N4BP2L2: variants seen among roughly 807,000 people sequenced by gnomAD.
N4BP2L2 encodes NEDD4-binding protein 2-like 2.
N4BP2L2 carries 50 observed loss-of-function variants against 56.2 expected under a neutral mutation model. The observed-to-expected ratio is 0.89, with a 90% CI of 0.71 to 1.13. N4BP2L2 has a LOEUF of 1.13. Among genes scored for constraint, N4BP2L2 ranks in the 50% most tolerant of loss-of-function variants. The pLI, the probability that N4BP2L2 is intolerant of heterozygous loss-of-function variation, is 0.00. For missense variants in N4BP2L2, 689 were observed against 693.8 expected (o/e 0.99, Z 0.08); for synonymous variants, 203 against 223.6 (o/e 0.91, Z 0.82).
intron 6 of N4BP2L2, among the ~76,000 whole-genome samples, chr13:32,495,888 T>A (rs995335124): frequency 2.0e-4 from 30 of 152,152 alleles, no homozygotes; most frequent in African/African-American, 7.2e-4. Context: ...TTCCTCATAT[T>A]GGTAGGGCTG....
intron 6 of N4BP2L2, among the ~76,000 whole-genome samples, chr13:32,502,000 T>C (rs1360807276): frequency 6.6e-6 from 1 of 152,008 alleles, no homozygotes; most frequent in African/African-American, 2.4e-5. Context: ...ATGAGGAATA[T>C]ATCTTTGATA....
intron 7 of N4BP2L2, among the ~76,000 whole-genome samples, chr13:32,440,073 C>T (rs182885665): frequency 1.3e-5 from 2 of 151,424 alleles, no homozygotes; most frequent in East Asian, 3.9e-4. Context: ...AGCAAATAGT[C>T]AAGATGTAAT....
chr13:32,499,508 G>A (rs2089547983), intron 6 of N4BP2L2, among the ~76,000 whole-genome samples: 1 of 152,146 alleles, frequency 6.6e-6, no homozygotes, highest in African/African-American at 2.4e-5. Context: ...AGCCTCATTT[G>A]TTTTCTATAC....
chr13:32,517,083 G>T (rs1477767760), exon 6 of N4BP2L2: 45 of 978,082 alleles, frequency 4.6e-5, no homozygotes, highest in Non-Finnish European at 5.3e-5. Flanking sequence ...AAATTGAACA[G>T]AGAGAAGTAA....
intron 5 of N4BP2L2, among the ~76,000 whole-genome samples, chr13:32,518,815 T>C (rs2049941547): frequency 6.6e-6 from 1 of 152,006 alleles, no homozygotes; most frequent in Non-Finnish European, 1.5e-5. Flanking sequence ...TGTAAGAACT[T>C]TGTTAAGTTA....
intron 1 of N4BP2L2, 83 bp from the exon 2 acceptor site, chr13:32,537,110 C>CA: frequency 1.0e-6 from 1 of 970,544 alleles, no homozygotes; most frequent in East Asian, 2.9e-5. Context: ...AGAAATTAGA[C>CA]AAAGACATTT....
exon 7 of N4BP2L2, chr13:32,443,380 C>A: frequency 6.2e-7 from 1 of 1,613,978 alleles, no homozygotes; most frequent in East Asian, 2.2e-5. Flanking sequence ...AGGCCAGCTA[C>A]CAAAATAGGG....
chr13:32,482,154 C>A (rs948167818), intron 6 of N4BP2L2, among the ~76,000 whole-genome samples: 8 of 152,062 alleles, frequency 5.3e-5, no homozygotes, highest in African/African-American at 1.9e-4. Context: ...TTAAGCAATA[C>A]CCTGCAGGAT....
At chr13:32,520,790 A>T (rs1182402841) in intron 5 of N4BP2L2, among the ~76,000 whole-genome samples, 1 of 152,192 alleles carries the variant, frequency 6.6e-6, no homozygotes, top group Non-Finnish European at 1.5e-5. Flanking sequence ...CTCTCACCAC[A>T]ATTACTGAAA....
At chr13:32,487,207 T>C (rs1305127150) in intron 6 of N4BP2L2, among the ~76,000 whole-genome samples, 1 of 151,910 alleles carries the variant, frequency 6.6e-6, no homozygotes, top group Non-Finnish European at 1.5e-5. Flanking sequence ...AGTTTGGTGA[T>C]ATATGCCTGT....
chr13:32,457,969 T>G (rs2079259199), intron 6 of N4BP2L2, among the ~76,000 whole-genome samples: 1 of 152,228 alleles, frequency 6.6e-6, no homozygotes, highest in African/African-American at 2.4e-5. Flanking sequence ...ATATCAATAA[T>G]TACCTCAAAT....
At chr13:32,434,242 A>G (rs994890321) in intron 9 of N4BP2L2, among the ~76,000 whole-genome samples, 2 of 136,232 alleles carry the variant, frequency 1.5e-5, no homozygotes, top group African/African-American at 5.7e-5. Flanking sequence ...ACATTCAGCT[A>G]ATTTTCTTTT....
chr13:32,537,168 C>T (rs1440351159), intron 1 of N4BP2L2, 141 bp from the exon 2 acceptor site: 8 of 559,106 alleles, frequency 1.4e-5, no homozygotes, highest in Non-Finnish European at 2.3e-5. Flanking sequence ...ATACCAGTCA[C>T]TTTCATAACC....
rs1301753080 is a variant in N4BP2L2, at chr13:32,530,252, C to T, written c.1260-2720G>A. Among the ~76,000 whole-genome samples, 3 of 152,058 alleles carry T rather than the reference C, an allele frequency of 2.0e-5. No individual in the cohort carries two copies. In the East Asian group the frequency reaches 5.8e-4, roughly 29 times the overall value. On this transcript the variant is annotated intron_variant, in intron 2 of 5. Transcript: ENST00000267068. ...TAAGTTTAACTTGAAAAGACTTTTC[C>T]TCCCAGGCAGCATAGACTGTTTATG...
chr13:32,463,333 C>T (rs1310352584), intron 6 of N4BP2L2, among the ~76,000 whole-genome samples: 1 of 152,000 alleles, frequency 6.6e-6, no homozygotes, highest in Non-Finnish European at 1.5e-5. Flanking sequence ...CCATCAAGTA[C>T]ACCAACCTAA....
chr13:32,455,457 G>C (rs1415366505), intron 6 of N4BP2L2, among the ~76,000 whole-genome samples: 1 of 152,210 alleles, frequency 6.6e-6, no homozygotes, highest in African/African-American at 2.4e-5. Flanking sequence ...CATTGCAGCT[G>C]CCACTGCTGC....
exon 6 of N4BP2L2, chr13:32,513,303 T>C (rs2048530418): frequency 6.6e-6 from 1 of 152,162 alleles, no homozygotes; most frequent in African/African-American, 2.4e-5. Flanking sequence ...TCAATCTAAA[T>C]ACTGCTTTGC....
chr13:32,436,597 G>A (rs975882766), intron 8 of N4BP2L2, among the ~76,000 whole-genome samples: 6 of 151,592 alleles, frequency 4.0e-5, no homozygotes, highest in South Asian at 4.2e-4. Context: ...TGAGAACAGC[G>A]TGGCCAACAT....
intron 6 of N4BP2L2, among the ~76,000 whole-genome samples, chr13:32,451,404 G>T (rs2077993502): frequency 6.6e-6 from 1 of 151,066 alleles, no homozygotes; most frequent in Non-Finnish European, 1.5e-5. Context: ...AGAAAAGAAG[G>T]CACAATTACA....
Sources: gnomAD v4.1 joint callset for allele counts (sites outside exome capture counted in the v4.1 genomes callset) on GRCh38, gnomAD v4.1.1 for gene constraint, MANE v1.5 for transcripts, NCBI Gene and HGNC (gene_info 2026-07-23, HGNC 2026-07-21) for gene names.